TSR1: variants seen among roughly 807,000 people sequenced by gnomAD.
TSR1 encodes pre-rRNA-processing protein TSR1 homolog.
A neutral mutation model predicts 90.9 loss-of-function variants in TSR1; 81 were observed. The ratio of observed to expected loss-of-function variants is 0.89; its 90% CI spans 0.74 to 1.07. TSR1 has a LOEUF of 1.07. Among genes scored for constraint, TSR1 ranks in the 50% least tolerant of loss-of-function variants. The pLI is 0.00. For missense variants in TSR1, 989 were observed against 987.3 expected, an observed-to-expected ratio of 1.00 and a Z score of -0.02; for synonymous variants, 362 against 348.8, an observed-to-expected ratio of 1.04 and a Z score of -0.42.
chr17:2,336,343 G>T lies in TSR1; in HGVS notation c.85C>A (p.Arg29=), dbSNP rs1208711594. The T allele has an allele frequency of 3.1e-6, 5 of 1,614,094 alleles. No homozygotes were observed. Among genetic ancestry groups the T allele is most frequent in the Non-Finnish European group, 4.2e-6 (5 of 1,180,030 alleles). The change falls in exon 1 of 15, where the codon CGG becomes AGG. Residue 29 remains arginine (R), a synonymous_variant. Transcript: ENST00000301364. The part of the protein sequence containing the change: ...GRHRGRGSAQ[R]DGKGRLALKT... Reference sequence around the variant, plus strand: ...GTTATCTCCTTACCCTTGCCGTCCCGCTGTGCAGATCCCCGACCCCGATGC... The same window carrying T: ...GTTATCTCCTTACCCTTGCCGTCCCTCTGTGCAGATCCCCGACCCCGATGC...
chr17:2,324,366 CA>C lies in TSR1; in HGVS notation c.2244del (p.His748GlnfsTer4). 1 of 1,572,026 alleles carries C rather than the reference CA, an allele frequency of 6.4e-7. No individual in the cohort carries two copies. The highest frequency in any genetic ancestry group is 8.6e-7 in the Non-Finnish European group (1 of 1,161,186). On this transcript the variant is annotated frameshift_variant, in exon 15 of 15. Coordinates refer to ENST00000301364, the MANE Select transcript of TSR1 (RefSeq NM_018128.5). LOFTEE classifies it high-confidence loss of function. ...CCATCAAAGCTGCATTTCATGTGGC[CA>C]TGGGTACCTAGAAAGACATCAGAAC... Reference protein sequence around the residue: ...RGHIKEPLGTHGHMKCSFDGK... With the variant: ...RGHIKEPLGTXGHMKCSFDGK...
intron 4 of TSR1, 58 bp from the exon 5 acceptor site, chr17:2,334,954 C>G (rs2151442186): frequency 6.5e-7 from 1 of 1,536,344 alleles, no homozygotes; most frequent in East Asian, 2.3e-5. Context: ...AAAAATCCCT[C>G]TGCAGTTCAC....
At position 2,335,554 on chromosome 17, in the gene TSR1, G is replaced by T; in HGVS notation, c.378C>A (p.Cys126Ter). The change falls in exon 3 of 15, where the codon TGC (cysteine) becomes TGA (stop). Residue 126 changes from cysteine (C) to a stop codon, truncating the protein, a stop_gained. Coordinates refer to ENST00000301364, the MANE Select transcript of TSR1 (RefSeq NM_018128.5). LOFTEE classifies it high-confidence loss of function. ...AAAACCACCGATGTTTCAAGCGGGGGCACAGCAGCATAAAGTTCTGGGTGT... is the reference window on the plus strand; with the variant it reads ...AAAACCACCGATGTTTCAAGCGGGGTCACAGCAGCATAAAGTTCTGGGTGT... ...LGNTQNFMLL[C>*]PRLKHRWFFT... 1 of 1,614,120 alleles carries T rather than the reference G, an allele frequency of 6.2e-7. No homozygotes were observed. Among genetic ancestry groups the T allele is most frequent in the Non-Finnish European group, 8.5e-7 (1 of 1,180,026 alleles).
At position 2,329,488 on chromosome 17, in the gene TSR1, T is replaced by A; in HGVS notation, c.1771-13A>T. On this transcript the variant is annotated splice_polypyrimidine_tract_variant and intron_variant, in intron 10 of 14. Transcript: ENST00000301364. ...TCAATACTGACATCTGGGGACCAAG[T>A]AAGAAAAACAAAAATCTTCATAGTC... 1 of 1,611,832 alleles carries A rather than the reference T, an allele frequency of 6.2e-7. No individual in the cohort carries two copies. Among genetic ancestry groups the A allele is most frequent in the Non-Finnish European group, 8.5e-7 (1 of 1,179,434 alleles).
Position 2,323,949 on chromosome 17 carries a change from C to T in TSR1, c.*247G>A. The T allele has an allele frequency of 7.4e-7, 1 of 1,351,592 alleles. No homozygotes were observed. The highest frequency in any genetic ancestry group is 2.3e-5 in the East Asian group (1 of 42,680). The allele number at this position is 1,351,592 out of a possible 1,614,324, so 83.7% of individuals were successfully genotyped here. A position where few individuals can be genotyped will look rare whatever the true frequency, so the allele number is the denominator to read the frequency against. On this transcript the variant is annotated 3_prime_UTR_variant, in exon 15 of 15. Transcript: ENST00000301364. ...ATTTTGTTTCCTAGTATTGTCAACT[C>T]TTAGTTATCAGATTCTTAATGGAGA...
chr17:2,329,424 C>T lies in TSR1; in HGVS notation c.1822G>A (p.Val608Met). The T allele has an allele frequency of 6.2e-7, 1 of 1,614,216 alleles. No homozygotes were observed. The highest frequency in any genetic ancestry group is 8.5e-7 in the Non-Finnish European group (1 of 1,180,044). The change falls in exon 11 of 15, where the codon GTG becomes ATG. Residue 608 changes from valine to methionine, a missense_variant. By Grantham distance (21) the Val-to-Met change is conservative. Transcript: ENST00000301364. ...VRRDPGNTEP[V>M]KAKEELIFHC... Reference sequence around the variant, plus strand: ...AATATGAGCTCTTCCTTGGCTTTCACAGGTTCAGTGTTGCCAGGGTCACGC... The same window carrying T: ...AATATGAGCTCTTCCTTGGCTTTCATAGGTTCAGTGTTGCCAGGGTCACGC...
At chr17:2,325,251 T>A in intron 12 of TSR1, 53 bp downstream of exon 12, 1 of 1,277,764 alleles carries the variant, frequency 7.8e-7, no homozygotes, top group East Asian at 2.4e-5. Context: ...GAGAAAACGG[T>A]GTTCATCTAT....
intron 10 of TSR1, 53 bp from the exon 11 acceptor site, chr17:2,329,528 C>T: frequency 3.1e-6 from 5 of 1,600,636 alleles, no homozygotes; most frequent in Non-Finnish European, 4.3e-6. Flanking sequence ...AATACAATTG[C>T]CTAAACTGAA....
At chr17:2,335,473 A>C in intron 3 of TSR1, 38 bp downstream of exon 3, 1 of 1,598,164 alleles carries the variant, frequency 6.3e-7, no homozygotes, top group African/African-American at 1.4e-5. Context: ...AAATACCACT[A>C]CTCAAACATA....
At position 2,333,568 on chromosome 17, in the gene TSR1, C is replaced by T. The variant is rs1334100805; in HGVS notation, c.1130G>A (p.Ser377Asn). 1.2e-6 allele frequency: 2 copies of T among 1,614,124 alleles called. No individual in the cohort carries two copies. Among genetic ancestry groups the T allele is most frequent in the Non-Finnish European group, 1.7e-6 (2 of 1,180,010 alleles). The change falls in exon 6 of 15, where the codon AGC (serine) becomes AAC (asparagine). Residue 377 changes from serine to asparagine, a missense_variant. Coordinates refer to ENST00000301364, the MANE Select transcript of TSR1 (RefSeq NM_018128.5). Reference protein sequence around the residue: ...EQTWPTEEELSEAKDFLKESS... With the variant: ...EQTWPTEEELNEAKDFLKESS... The stretch of plus-strand genomic sequence containing the variant: ...TTACCAATACTGACCCTTTGCCTCG[C>T]TCAGCTCCTCCTCAGTGGGCCAGGT...
intron 10 of TSR1, among the ~76,000 whole-genome samples, chr17:2,329,765 C>A (rs2075594512): frequency 6.6e-6 from 1 of 152,062 alleles, no homozygotes; most frequent in Non-Finnish European, 1.5e-5. Context: ...AAATCAGTGG[C>A]CTTCAAGGCA....
intron 11 of TSR1, among the ~76,000 whole-genome samples, chr17:2,327,416 C>CAAAAAAA (rs770269783): frequency 7.9e-6 from 1 of 126,616 alleles, no homozygotes; most frequent in Non-Finnish European, 1.7e-5. Flanking sequence ...GACTCTATAT[C>CAAAAAAA]AAAAAAAAAA....
Position 2,331,029 on chromosome 17 carries a change from C to T in TSR1, c.1577G>A (p.Arg526Gln), listed in dbSNP as rs913828529. The change falls in exon 9 of 15, where the codon CGA becomes CAA. Residue 526 changes from arginine to glutamine, a missense_variant. By Grantham distance (43) the Arg-to-Gln change is conservative (BLOSUM62 1). Coordinates refer to ENST00000301364, the MANE Select transcript of TSR1 (RefSeq NM_018128.5). Reference sequence around the variant, plus strand: ...AGTAAAGTTCTGAAACTGAAATATTCGAGCATAATCTTGAGGAAGGTTTTC... The same window carrying T: ...AGTAAAGTTCTGAAACTGAAATATTTGAGCATAATCTTGAGGAAGGTTTTC... ...PKENLPQDYARIFQFQNFTNT... is the reference protein window; with the variant it reads ...PKENLPQDYAQIFQFQNFTNT... 1.1e-5 allele frequency: 18 copies of T among 1,612,566 alleles called. No individual in the cohort carries two copies. Among genetic ancestry groups the T allele is most frequent in the Admixed American group, 8.4e-5 (5 of 59,570 alleles).
Position 2,325,376 on chromosome 17 carries a change from G to A in TSR1, c.1948C>T (p.Leu650=). 6.2e-7 allele frequency: 1 copy of A among 1,613,488 alleles called. No homozygotes were observed. The highest frequency in any genetic ancestry group is 8.5e-7 in the Non-Finnish European group (1 of 1,179,880). The stretch of plus-strand genomic sequence containing the variant: ...ATTGGCGCATAGACTGTCGCCACCA[G>A]GGCCATGTCAGCAGTCAGGAATCTC... ...LQRFLTADMA[L]VATVYAPITF... The change falls in exon 12 of 15, where the codon CTG becomes TTG. Residue 650 remains leucine (L), a synonymous_variant. Coordinates refer to ENST00000301364, the MANE Select transcript of TSR1 (RefSeq NM_018128.5).
At chr17:2,331,187 G>C (rs559049642) in intron 8 of TSR1, 78 bp from the exon 9 acceptor site, 1 of 1,220,082 alleles carries the variant, frequency 8.2e-7, no homozygotes, top group South Asian at 2.0e-5. Flanking sequence ...TGCTAAAATG[G>C]CTAAGGAGCT....
In TSR1 at chr17:2,333,614, C is replaced by G; in HGVS notation, c.1084G>C (p.Asp362His). Reference sequence around the variant, plus strand: ...CAGGTTTGCTCTCCCTCCATTGGATCTGGGATAACCTCTGCTTGCAAGGAT... The same window carrying G: ...CAGGTTTGCTCTCCCTCCATTGGATGTGGGATAACCTCTGCTTGCAAGGAT... ...QESLQAEVIP[D>H]PMEGEQTWPT... is the part of the protein sequence containing the mutation. Residue 362 changes from aspartate (D) to histidine (H), a missense_variant, in exon 6 of 15, where the codon GAT becomes CAT. Physicochemically the swap from Asp to His is moderately conservative, Grantham distance 81. Coordinates refer to ENST00000301364, the MANE Select transcript of TSR1 (RefSeq NM_018128.5). The G allele has an allele frequency of 1.2e-6, 2 of 1,614,152 alleles. No homozygotes were observed. The highest frequency in any genetic ancestry group is 1.7e-6 in the Non-Finnish European group (2 of 1,180,030).
At position 2,334,713 on chromosome 17, in the gene TSR1, C is replaced by A; in HGVS notation, c.740G>T (p.Arg247Leu). Reference protein sequence around the residue: ...ANQKQQHLAFRDRRAYLFAHA... With the variant: ...ANQKQQHLAFLDRRAYLFAHA... ...GGCAAATAGGTAGGCCCGCCGATCTCGAAAAGCAAGATGCTGTTGCTTCTG... is the reference window on the plus strand; with the variant it reads ...GGCAAATAGGTAGGCCCGCCGATCTAGAAAAGCAAGATGCTGTTGCTTCTG... The change falls in exon 5 of 15, where the codon CGA (arginine) becomes CTA (leucine). Residue 247 changes from arginine to leucine, a missense_variant. By Grantham distance (102) the Arg-to-Leu change is moderately radical. Transcript: ENST00000301364. 1 of 1,613,958 alleles carries A rather than the reference C, an allele frequency of 6.2e-7. No homozygotes were observed. The highest frequency in any genetic ancestry group is 8.5e-7 in the Non-Finnish European group (1 of 1,180,046).
At position 2,336,331 on chromosome 17, in the gene TSR1, C is replaced by G; in HGVS notation, c.97G>C (p.Gly33Arg). Residue 33 changes from glycine to arginine, a missense_variant and splice_region_variant, in exon 1 of 15, where the codon GGC (glycine) becomes CGC (arginine). Coordinates refer to ENST00000301364, the MANE Select transcript of TSR1 (RefSeq NM_018128.5). ...GRGSAQRDGK[G>R]RLALKTLSKK... ...TATTCCTTCTACGTTATCTCCTTAC[C>G]CTTGCCGTCCCGCTGTGCAGATCCC... The G allele has an allele frequency of 6.2e-7, 1 of 1,614,164 alleles. No homozygotes were observed. The highest frequency in any genetic ancestry group is 8.5e-7 in the Non-Finnish European group (1 of 1,180,042).
At chr17:2,336,167 T>C in intron 1 of TSR1, 27 bp from the exon 2 acceptor site, 1 of 1,611,816 alleles carries the variant, frequency 6.2e-7, no homozygotes, top group Non-Finnish European at 8.5e-7. Flanking sequence ...AAGGGGCTGG[T>C]GTGATCGGCC....
Sources: allele counts gnomAD v4.1 joint callset (sites outside exome capture counted in the v4.1 genomes callset), GRCh38; gene constraint gnomAD v4.1.1; transcripts MANE v1.5; gene names NCBI Gene and HGNC (gene_info 2026-07-23, HGNC 2026-07-21).